UBR1: variants seen among roughly 807,000 people sequenced by gnomAD.
UBR1 encodes the protein ubiquitin protein ligase E3 component n-recognin 1.
A neutral mutation model predicts 242.1 loss-of-function variants in UBR1; 102 were observed. The ratio of observed to expected loss-of-function variants is 0.42; its 90% confidence interval spans 0.36 to 0.50. UBR1 has a LOEUF of 0.50. UBR1 is among the 20% of genes least tolerant of loss of function. UBR1 has a pLI of 0.01. For missense variants in UBR1, 1,772 were observed against 2,101.8 expected, an observed-to-expected ratio of 0.84 and a Z score of 3.07; for synonymous variants, 675 against 684.8, an observed-to-expected ratio of 0.99 and a Z score of 0.22.
rs747491054 is a variant in UBR1 at position 42,970,590 on chromosome 15, C to T, written c.4387G>A (p.Val1463Ile). The T allele has an allele frequency of 6.1e-5, 98 of 1,613,648 alleles. No individual in the cohort carries two copies. The highest frequency in any genetic ancestry group is 8.1e-5 in the Non-Finnish European group (95 of 1,180,006). ...TVDTGLPLAQ[V>I]QEDSEEAHSA... ...TGAGCCTCTTCACTGTCTTCTTGAA[C>T]CTGAGCAAGGGGTAGGCCTGAAAAA... Residue 1463 changes from valine to isoleucine, a missense_variant, in exon 40 of 47, where the codon GTT becomes ATT. Val to Ile is a conservative substitution (Grantham distance 29, BLOSUM62 3). This residue lies in a region of UBR1 where 965 missense variants were observed against 1,079.7 expected (regional missense o/e 0.89). Transcript: ENST00000290650.
chr15:42,962,810 T>C (rs567865450), intron 42 of UBR1, among the ~76,000 whole-genome samples: 1 of 152,194 alleles, frequency 6.6e-6, no homozygotes, highest in South Asian at 2.1e-4. Flanking sequence ...CTTCCCTTTT[T>C]CCTGGCCACC....
intron 14 of UBR1, 152 bp downstream of exon 14, chr15:43,047,009 C>T: frequency 1.1e-6 from 1 of 943,608 alleles, no homozygotes; most frequent in Non-Finnish European, 1.6e-6. Context: ...TATACAGTTT[C>T]CCCCTAAATT....
chr15:43,019,246 G>C (rs2033071542), intron 27 of UBR1, among the ~76,000 whole-genome samples: 1 of 151,996 alleles, frequency 6.6e-6, no homozygotes. Context: ...TGTATTTTTA[G>C]TAGAGACGGG....
chr15:43,008,127 T>C (rs1444237958), intron 29 of UBR1, among the ~76,000 whole-genome samples: 3 of 152,250 alleles, frequency 2.0e-5, no homozygotes, highest in Non-Finnish European at 2.9e-5. Context: ...TATTATTCTG[T>C]CTAGAGCAGC....
At chr15:43,039,821 T>A (rs1412064002) in intron 15 of UBR1, among the ~76,000 whole-genome samples, 1 of 152,174 alleles carries the variant, frequency 6.6e-6, no homozygotes, top group Non-Finnish European at 1.5e-5. Flanking sequence ...GGGTTTGTCA[T>A]AAATAGCTCT....
At chr15:43,025,306 A>C in intron 24 of UBR1, 75 bp downstream of exon 24, 1 of 1,463,806 alleles carries the variant, frequency 6.8e-7, no homozygotes, top group Non-Finnish European at 9.4e-7. Flanking sequence ...AACAACAACA[A>C]AAAACTATAT....
intron 39 of UBR1, among the ~76,000 whole-genome samples, chr15:42,973,146 G>C (rs1417293747): frequency 7.9e-5 from 12 of 152,166 alleles, no homozygotes; most frequent in Admixed American, 7.9e-4. Flanking sequence ...CTGTGGTGAG[G>C]TGTCTTTTCA....
intron 42 of UBR1, 114 bp downstream of exon 42, chr15:42,963,821 C>A: frequency 1.3e-6 from 1 of 794,296 alleles, no homozygotes; most frequent in African/African-American, 1.7e-5. Flanking sequence ...ATCTCCTATA[C>A]TTTTGCCACC....
At chr15:42,992,133 T>G (rs1328178957) in intron 33 of UBR1, among the ~76,000 whole-genome samples, 2 of 152,138 alleles carry the variant, frequency 1.3e-5, no homozygotes, top group African/African-American at 4.8e-5. Flanking sequence ...ATACGGTTGG[T>G]TTTTTTAGTT....
At chr15:43,027,558 ATGAG>A (rs1225635275) in intron 22 of UBR1, among the ~76,000 whole-genome samples, 1 of 152,106 alleles carries the variant, frequency 6.6e-6, no homozygotes, top group African/African-American at 2.4e-5. Flanking sequence ...AATATCATAA[ATGAG>A]TATTTCTCAT....
rs1231155273 is a variant in UBR1 at position 43,002,572 on chromosome 15, T to C, written c.3642A>G (p.Gln1214=). The C allele has an allele frequency of 9.9e-6, 16 of 1,614,068 alleles. No homozygotes were observed. Among genetic ancestry groups the C allele is most frequent in the Admixed American group, 5.0e-5 (3 of 60,004 alleles). Reference sequence around the variant, plus strand: ...AAATATACCTGTTTATCTTTTGAGGTTGCAAAGGAATAATGGGGATCACAG... The same window carrying C: ...AAATATACCTGTTTATCTTTTGAGGCTGCAAAGGAATAATGGGGATCACAG... ...CNTVIPIIPL[Q]PQKINSENAD... Residue 1214 remains glutamine (Q), a synonymous_variant, in exon 32 of 47, where the codon CAA becomes CAG. Coordinates refer to ENST00000290650, the MANE Select transcript of UBR1 (RefSeq NM_174916.3).
intron 38 of UBR1, 88 bp downstream of exon 38, chr15:42,977,792 A>T: frequency 1.7e-6 from 2 of 1,182,334 alleles, no homozygotes; most frequent in South Asian, 1.3e-5. Context: ...AAGAATTTAT[A>T]ATCTTGAACA....
chr15:42,994,089 T>C (rs934425802), intron 33 of UBR1, among the ~76,000 whole-genome samples: 1 of 152,218 alleles, frequency 6.6e-6, no homozygotes, highest in Non-Finnish European at 1.5e-5. Flanking sequence ...AACAGTTACA[T>C]GGAACAGTAT....
intron 6 of UBR1, among the ~76,000 whole-genome samples, chr15:43,062,389 A>T (rs2033699824): frequency 6.6e-6 from 1 of 152,196 alleles, no homozygotes; most frequent in Non-Finnish European, 1.5e-5. Context: ...TGAGATATCT[A>T]AAATAGTCAA....
chr15:43,014,183 G>A (rs1185263509), intron 29 of UBR1, among the ~76,000 whole-genome samples: 1 of 152,264 alleles, frequency 6.6e-6, no homozygotes, highest in East Asian at 1.9e-4. Flanking sequence ...CTCACTCAGT[G>A]CTCAATGGTG....
chr15:42,976,142 A>T (rs1399497420), intron 39 of UBR1, among the ~76,000 whole-genome samples: 1 of 152,244 alleles, frequency 6.6e-6, no homozygotes, highest in Non-Finnish European at 1.5e-5. Flanking sequence ...ATGAGTGTTT[A>T]CTGGGTTTAA....
At chr15:43,022,621 C>G in intron 26 of UBR1, 81 bp downstream of exon 26, 2 of 1,025,098 alleles carry the variant, frequency 2.0e-6, no homozygotes, top group Admixed American at 1.9e-5. Flanking sequence ...AAGATATAAA[C>G]TTTCAGGATT....
At chr15:43,074,895 G>T (rs2033868718) in intron 4 of UBR1, 84 bp downstream of exon 4, 1 of 1,150,872 alleles carries the variant, frequency 8.7e-7, no homozygotes, top group Non-Finnish European at 1.3e-6. Flanking sequence ...GTTCTAACTG[G>T]AATCTATACA....
intron 29 of UBR1, among the ~76,000 whole-genome samples, chr15:43,009,360 C>A (rs569407811): frequency 8.5e-5 from 13 of 152,340 alleles, no homozygotes; most frequent in African/African-American, 3.1e-4. Context: ...GAGCTCCCTG[C>A]CCTGCACAGC....
Sources: allele counts gnomAD v4.1 joint callset (sites outside exome capture counted in the v4.1 genomes callset), GRCh38; gene constraint gnomAD v4.1.1; regional missense constraint gnomAD v4.1.1; transcripts MANE v1.5; gene names NCBI Gene and HGNC (gene_info 2026-07-23, HGNC 2026-07-21).